The following EXOG variants were observed in gnomAD, a reference collection of about 807,000 sequenced individuals.
EXOG encodes the protein exo/endonuclease G.
In EXOG, 27 loss-of-function variants were observed where a neutral mutation model predicts 25.8. The ratio of observed to expected loss-of-function variants is 1.05; its 90% CI spans 0.77 to 1.45. EXOG has a LOEUF of 1.45. Among genes scored for constraint, EXOG ranks in the 40% most tolerant of loss-of-function variants. The pLI is 0.00. For missense variants in EXOG, 458 were observed against 450.5 expected (o/e 1.02, Z -0.15); for synonymous variants, 133 against 167.0 (o/e 0.80, Z 1.57).
At chr3:38,505,771 G>A (rs953812514) in intron 4 of EXOG, among the ~76,000 whole-genome samples, 1 of 151,798 alleles carries the variant, frequency 6.6e-6, no homozygotes, top group Non-Finnish European at 1.5e-5. Flanking sequence ...TCTGGGCAAC[G>A]TGGCAAAACT....
At chr3:38,497,418 G>T (rs768629904) in intron 1 of EXOG, 42 of 1,319,190 alleles carry the variant, frequency 3.2e-5, no homozygotes, top group Non-Finnish European at 3.9e-5. Flanking sequence ...CTGATTATAG[G>T]CAAATCAGTA....
At chr3:38,510,760 C>T (rs1320588009) in intron 5 of EXOG, among the ~76,000 whole-genome samples, 1 of 151,658 alleles carries the variant, frequency 6.6e-6, no homozygotes, top group Non-Finnish European at 1.5e-5. Flanking sequence ...GATACTCAAA[C>T]ATGTTCAAGC....
At chr3:38,497,309 A>G (rs2125742814) in intron 1 of EXOG, 1 of 1,075,068 alleles carries the variant, frequency 9.3e-7, no homozygotes, top group African/African-American at 1.7e-5. Flanking sequence ...GCAACAGCAC[A>G]CATATCAGTG....
Position 38,524,563 on chromosome 3 carries a change from C to T in EXOG, c.*201C>T. The stretch of plus-strand genomic sequence containing the variant: ...CTCAAACTTCTGGGCTTAAGCAATC[C>T]TCCTGCCTCTGCCCCCTGAGCAGCT... On this transcript the variant is annotated 3_prime_UTR_variant, in exon 6 of 6. Transcript: ENST00000287675. The T allele has an allele frequency of 7.9e-7, 1 of 1,258,088 alleles. No individual in the cohort carries two copies. The highest frequency in any genetic ancestry group is 1.0e-6 in the Non-Finnish European group (1 of 983,308). 77.9% of individuals were successfully genotyped at this position (1,258,088 alleles called of 1,614,324 possible).
intron 5 of EXOG, among the ~76,000 whole-genome samples, chr3:38,509,935 A>G (rs2060315917): frequency 6.6e-6 from 1 of 152,230 alleles, no homozygotes; most frequent in African/African-American, 2.4e-5. Flanking sequence ...GGCAAGAGTC[A>G]TCACTAGCTA....
At chr3:38,523,083 T>C (rs1002881665) in intron 5 of EXOG, 16 of 522,204 alleles carry the variant, frequency 3.1e-5, no homozygotes, top group Non-Finnish European at 5.1e-5. Context: ...GAGATGGTAA[T>C]GTTGACTTGA....
At chr3:38,505,842 T>C (rs1333050880) in intron 4 of EXOG, among the ~76,000 whole-genome samples, 1 of 151,624 alleles carries the variant, frequency 6.6e-6, no homozygotes, top group African/African-American at 2.4e-5. Context: ...GGCACACACC[T>C]AAAATCCCAG....
intron 5 of EXOG, among the ~76,000 whole-genome samples, chr3:38,508,705 G>T (rs986546166): frequency 7.7e-6 from 1 of 129,366 alleles, no homozygotes; most frequent in East Asian, 2.6e-4. Flanking sequence ...AACAGATTGA[G>T]GAACCACCCC....
At chr3:38,519,604 A>G (rs1406369583) in intron 5 of EXOG, among the ~76,000 whole-genome samples, 5 of 151,924 alleles carry the variant, frequency 3.3e-5, no homozygotes, top group Non-Finnish European at 5.9e-5. Flanking sequence ...GTTCATTTCC[A>G]TATCTATTTG....
At chr3:38,508,589 AG>A (rs1457507219) in intron 5 of EXOG, among the ~76,000 whole-genome samples, 5 of 152,042 alleles carry the variant, frequency 3.3e-5, no homozygotes, top group South Asian at 4.1e-4. Context: ...GCCAAAGAGG[AG>A]GGGAGGGAAC....
At chr3:38,497,956 C>G in intron 2 of EXOG, 178 bp downstream of exon 2, 1 of 715,440 alleles carries the variant, frequency 1.4e-6, no homozygotes, top group South Asian at 2.3e-5. Context: ...AAGCCAGACC[C>G]TTTCCAGCTG....
rs748315238 is a variant in EXOG, at chr3:38,523,959, G to T, written c.704G>T (p.Arg235Leu). The change falls in exon 6 of 6, where the codon CGC (arginine) becomes CTC (leucine). Residue 235 changes from arginine (R) to leucine (L), a missense_variant. Arg to Leu is a moderately radical substitution (Grantham distance 102). This residue lies in a region of EXOG where 178 missense variants were observed against 203.7 expected (regional missense o/e 0.87). Transcript: ENST00000287675. ...CACCTTTATAAGGTAATCCTGGCCC[G>T]CAGAAGCTCAGTATCTACCGAACCA... ...PSHLYKVILA[R>L]RSSVSTEPLA... 2 of 1,605,226 alleles carry T rather than the reference G, an allele frequency of 1.2e-6. No homozygotes were observed. The highest frequency in any genetic ancestry group is 1.3e-5 in the African/African-American group (1 of 74,534).
chr3:38,524,548 T>C lies in EXOG; in HGVS notation c.*186T>C. The C allele has an allele frequency of 7.7e-7, 1 of 1,290,998 alleles. No homozygotes were observed. Among genetic ancestry groups the C allele is most frequent in the Non-Finnish European group, 1.0e-6 (1 of 999,426 alleles). 80.0% of individuals were successfully genotyped at this position (1,290,998 alleles called of 1,614,324 possible). A position where few individuals can be genotyped will look rare whatever the true frequency, so the allele number is the denominator to read the frequency against. ...ATAGCTCACTATAGCCTCAAACTTC[T>C]GGGCTTAAGCAATCCTCCTGCCTCT... On this transcript the variant is annotated 3_prime_UTR_variant, in exon 6 of 6. Coordinates refer to ENST00000287675, the MANE Select transcript of EXOG (RefSeq NM_005107.4).
intron 5 of EXOG, among the ~76,000 whole-genome samples, chr3:38,514,997 C>T (rs1289901520): frequency 6.6e-6 from 1 of 152,158 alleles, no homozygotes; most frequent in Non-Finnish European, 1.5e-5. Flanking sequence ...GTCTTGAACT[C>T]CTGACTGCAA....
chr3:38,513,691 C>T (rs1394615054), intron 5 of EXOG: 1 of 152,050 alleles, frequency 6.6e-6, no homozygotes, highest in African/African-American at 2.4e-5. Flanking sequence ...TTACTTGTTT[C>T]CTCCCTCCTT....
chr3:38,512,891 G>C (rs559534887), intron 5 of EXOG, among the ~76,000 whole-genome samples: 20 of 152,056 alleles, frequency 1.3e-4, no homozygotes, highest in African/African-American at 4.6e-4. Flanking sequence ...TTATCTTCTG[G>C]GCTTTCGAGA....
At chr3:38,519,998 T>C (rs2060664097) in intron 5 of EXOG, among the ~76,000 whole-genome samples, 1 of 152,248 alleles carries the variant, frequency 6.6e-6, no homozygotes, top group African/African-American at 2.4e-5. Flanking sequence ...TCTGTCCCTC[T>C]AGTTTTATTT....
chr3:38,517,673 T>C (rs1256742230), intron 5 of EXOG, among the ~76,000 whole-genome samples: 1 of 152,232 alleles, frequency 6.6e-6, no homozygotes, highest in East Asian at 1.9e-4. Flanking sequence ...TGAGAAGGCC[T>C]TTCTCCTCTG....
intron 5 of EXOG, among the ~76,000 whole-genome samples, chr3:38,507,186 C>G (rs973177187): frequency 6.6e-6 from 1 of 152,148 alleles, no homozygotes; most frequent in Non-Finnish European, 1.5e-5. Context: ...AAGGAACTCA[C>G]GGTTTAGAGT....
Sources: gnomAD v4.1 joint callset for allele counts (sites outside exome capture counted in the v4.1 genomes callset) on GRCh38, gnomAD v4.1.1 for gene constraint, gnomAD v4.1.1 regional missense constraint, MANE v1.5 for transcripts, NCBI Gene and HGNC (gene_info 2026-07-23, HGNC 2026-07-21) for gene names.